NUGGC: variants seen among roughly 807,000 people sequenced by gnomAD.
NUGGC encodes the protein nuclear GTPase, germinal center associated.
NUGGC carries 58 observed loss-of-function variants against 92.6 expected under a neutral mutation model. The ratio of observed to expected loss-of-function variants is 0.63; its 90% CI spans 0.51 to 0.78. The LOEUF is 0.78. Ranked by LOEUF, NUGGC falls within the 30% of genes least tolerant of loss-of-function variation. The pLI is 0.00. For missense variants in NUGGC, 925 were observed against 964.6 expected, an observed-to-expected ratio of 0.96 and a Z score of 0.54; for synonymous variants, 376 against 366.4, an observed-to-expected ratio of 1.03 and a Z score of -0.30.
chr8:28,067,479 G>C, intron 6 of NUGGC, 35 bp downstream of exon 6: 1 of 1,365,814 alleles, frequency 7.3e-7, no homozygotes, highest in African/African-American at 1.4e-5. Flanking sequence ...TTGAGACCCA[G>C]GATGAAATCA....
Position 28,027,176 on chromosome 8 carries a change from C to A in NUGGC, c.2155-124G>T, listed in dbSNP as rs548297617. Reference sequence around the variant, plus strand: ...ACAGACTGGGGTTGCCAAAGTCAGGCTTTGCAACCCAGTTGCAAAACGGTG... The same window carrying A: ...ACAGACTGGGGTTGCCAAAGTCAGGATTTGCAACCCAGTTGCAAAACGGTG... On this transcript the variant is annotated intron_variant, in intron 17 of 18. Coordinates refer to ENST00000413272, the MANE Select transcript of NUGGC (RefSeq NM_001010906.2). The A allele has an allele frequency of 6.1e-4, 444 of 729,462 alleles. 4 individuals carry two copies. Among genetic ancestry groups the A allele is most frequent in the Non-Finnish European group, 7.9e-5 (33 of 417,912 alleles). 45.2% of individuals were successfully genotyped at this position (729,462 alleles called of 1,614,324 possible).
chr8:28,041,960 TG>T (rs989891781), intron 12 of NUGGC, among the ~76,000 whole-genome samples: 4 of 152,090 alleles, frequency 2.6e-5, no homozygotes, highest in African/African-American at 7.2e-5. Flanking sequence ...CCACGTGTTG[TG>T]GGGGGGACCT....
Position 28,031,266 on chromosome 8 carries a change from T to G in NUGGC, c.1885A>C (p.Lys629Gln), listed in dbSNP as rs1463838600. 3.1e-6 allele frequency: 5 copies of G among 1,613,934 alleles called. No individual in the cohort carries two copies. In the African/African-American group the frequency reaches 4.0e-5, roughly 13 times the overall value. The stretch of plus-strand genomic sequence containing the variant: ...ACCTCCTGGATCAGGAAATTTTTTT[T>G]GCAGCTATCATATTTCCAGCCACTT... ...IRSGWKYDSC[K>Q]KNFLIQEISA... is the part of the protein sequence containing the mutation. Residue 629 changes from lysine to glutamine, a missense_variant, in exon 15 of 19, where the codon AAA becomes CAA. Transcript: ENST00000413272.
chr8:28,068,475 C>G, intron 4 of NUGGC, 37 bp from the exon 5 acceptor site: 1 of 1,406,248 alleles, frequency 7.1e-7, no homozygotes, highest in East Asian at 2.5e-5. Context: ...CCATGATCAT[C>G]AAAGTTTAGA....
chr8:28,037,969 C>T (rs960885568), intron 13 of NUGGC, among the ~76,000 whole-genome samples: 2 of 152,216 alleles, frequency 1.3e-5, no homozygotes, highest in African/African-American at 2.4e-5. Flanking sequence ...ACAAACCCTG[C>T]TCCAGAGCTC....
At chr8:28,029,189 T>C in intron 17 of NUGGC, 77 bp downstream of exon 17, 1 of 1,488,548 alleles carries the variant, frequency 6.7e-7, no homozygotes, top group Admixed American at 2.1e-5. Flanking sequence ...TACTATGCCT[T>C]CCACCTTCTG....
intron 4 of NUGGC, among the ~76,000 whole-genome samples, chr8:28,068,738 T>G (rs1810511805): frequency 6.6e-6 from 1 of 152,190 alleles, no homozygotes; most frequent in South Asian, 2.1e-4. Flanking sequence ...TTCTTTTTTT[T>G]GTTTGTTTAT....
intron 10 of NUGGC, among the ~76,000 whole-genome samples, chr8:28,051,034 A>G (rs558195791): frequency 1.3e-5 from 2 of 152,086 alleles, no homozygotes; most frequent in Admixed American, 1.3e-4. Flanking sequence ...ATGTTGCCCT[A>G]GCTGGTCTTG....
chr8:28,073,397 C>T (rs977444827), intron 2 of NUGGC, among the ~76,000 whole-genome samples: 18 of 152,064 alleles, frequency 1.2e-4, no homozygotes, highest in African/African-American at 4.3e-4. Context: ...GCAGCTCTTC[C>T]TATATGCCTG....
intron 1 of NUGGC, among the ~76,000 whole-genome samples, chr8:28,081,007 T>C (rs1482590596): frequency 6.6e-6 from 1 of 151,940 alleles, no homozygotes; most frequent in African/African-American, 2.4e-5. Context: ...GAATTGGTTT[T>C]AAAAAAAATA....
intron 1 of NUGGC, among the ~76,000 whole-genome samples, chr8:28,074,768 G>A (rs1002918597): frequency 3.9e-5 from 6 of 152,076 alleles, no homozygotes; most frequent in Admixed American, 1.3e-4. Flanking sequence ...GTGAAATGCC[G>A]TCTCTACCAA....
intron 6 of NUGGC, 84 bp downstream of exon 6, chr8:28,067,430 C>T (rs1318553580): frequency 2.3e-6 from 2 of 858,136 alleles, no homozygotes; most frequent in East Asian, 2.7e-5. Flanking sequence ...AAACACTGTA[C>T]CACAAGCCCA....
intron 13 of NUGGC, 90 bp from the exon 14 acceptor site, chr8:28,033,787 C>G: frequency 9.3e-7 from 1 of 1,069,876 alleles, no homozygotes; most frequent in Non-Finnish European, 1.4e-6. Context: ...AGATCACTAC[C>G]AAGAATCACA....
chr8:28,055,953 C>A lies in NUGGC; in HGVS notation c.1206+12G>T. ...GATACAGAAAAACACATAGAGAAACCTATTAACTCACCTTCAGTTTTTCCT... is the reference window on the plus strand; with the variant it reads ...GATACAGAAAAACACATAGAGAAACATATTAACTCACCTTCAGTTTTTCCT... On this transcript the variant is annotated intron_variant, in intron 10 of 18. Coordinates refer to ENST00000413272, the MANE Select transcript of NUGGC (RefSeq NM_001010906.2). 1.4e-6 allele frequency: 2 copies of A among 1,388,434 alleles called. No individual in the cohort carries two copies. The highest frequency in any genetic ancestry group is 1.0e-6 in the Non-Finnish European group (1 of 998,284). 86.0% of individuals were successfully genotyped at this position (1,388,434 alleles called of 1,614,324 possible). A position where few individuals can be genotyped will look rare whatever the true frequency, so the allele number is the denominator to read the frequency against.
intron 10 of NUGGC, among the ~76,000 whole-genome samples, chr8:28,051,012 G>A (rs1196703718): frequency 1.3e-5 from 2 of 152,090 alleles, no homozygotes; most frequent in Admixed American, 1.3e-4. Flanking sequence ...TGTTAGAGAT[G>A]GGGGTCTTGC....
chr8:28,055,232 G>A (rs1162129256), intron 10 of NUGGC, among the ~76,000 whole-genome samples: 3 of 152,082 alleles, frequency 2.0e-5, no homozygotes, highest in Non-Finnish European at 4.4e-5. Flanking sequence ...CAGCCTGGGT[G>A]ACAAAGTGAG....
chr8:28,068,384 T>C lies in NUGGC; in HGVS notation c.312A>G (p.Ala104=), dbSNP rs543926278. 68 of 1,583,516 alleles carry C rather than the reference T, an allele frequency of 4.3e-5. No homozygotes were observed. Among genetic ancestry groups the C allele is most frequent in the Non-Finnish European group, 5.2e-5 (61 of 1,164,140 alleles). Reference sequence around the variant, plus strand: ...TCCCAGCCCCAGTGCTTCCAAATAATGCAATGTAGATTGGGTCCACTGTCG... The same window carrying C: ...TCCCAGCCCCAGTGCTTCCAAATAACGCAATGTAGATTGGGTCCACTGTCG... ...EKPTVDPIYI[A]LFGSTGAGKS... The change falls in exon 5 of 19, where the codon GCA becomes GCG. Residue 104 remains alanine (A), a synonymous_variant. Transcript: ENST00000413272.
intron 1 of NUGGC, among the ~76,000 whole-genome samples, chr8:28,076,268 GA>G (rs1810719811): frequency 6.6e-6 from 1 of 152,282 alleles, no homozygotes; most frequent in African/African-American, 2.4e-5. Flanking sequence ...CACACCAAAG[GA>G]TGTTTAAAAG....
chr8:28,026,859 A>T, intron 18 of NUGGC, 103 bp downstream of exon 18: 1 of 801,288 alleles, frequency 1.2e-6, no homozygotes, highest in Non-Finnish European at 2.2e-6. Context: ...CCTAACTTAA[A>T]TTCCTAAAAT....
Sources: gnomAD v4.1 joint callset for allele counts (sites outside exome capture counted in the v4.1 genomes callset) on GRCh38, gnomAD v4.1.1 for gene constraint, MANE v1.5 for transcripts, NCBI Gene and HGNC (gene_info 2026-07-23, HGNC 2026-07-21) for gene names.